SHLD1: variants seen among roughly 807,000 people sequenced by gnomAD.
SHLD1 encodes the protein RINN1-REV7-interacting novel NHEJ regulator 3.
Under a neutral mutation model 5.5 loss-of-function variants are expected in SHLD1, and 3 were observed. That is an observed-to-expected ratio of 0.54 (90% CI 0.25 to 1.40). The LOEUF is 1.40. Ranked by LOEUF, SHLD1 falls within the 40% of genes most tolerant of loss-of-function variation. The probability of loss-of-function intolerance (pLI) is 0.15; values close to 1 mark genes in which losing one functional copy is unlikely to be tolerated. For synonymous variants in SHLD1, 92 were observed against 94.3 expected (o/e 0.98, Z 0.14); for missense variants, 210 against 244.4 (o/e 0.86, Z 0.94).
chr20:5,827,361 G>A (rs1434079927), intron 2 of SHLD1, among the ~76,000 whole-genome samples: 1 of 152,198 alleles, frequency 6.6e-6, no homozygotes, highest in Non-Finnish European at 1.5e-5. Context: ...GGAGGGCAAG[G>A]GCAGCCATCA....
At position 5,802,587 on chromosome 20, in the gene SHLD1, T is replaced by C. The variant is rs116507137; in HGVS notation, c.178+29544T>C. Among the ~76,000 whole-genome samples the C allele has an allele frequency of 4.4e-3, 671 of 152,290 alleles. 5 individuals carry two copies. The highest frequency in any genetic ancestry group is 0.015 in the African/African-American group (639 of 41,570). On this transcript the variant is annotated intron_variant, in intron 2 of 2. Coordinates refer to ENST00000303142, the MANE Select transcript of SHLD1 (RefSeq NM_152504.4). ...CCATCGATGTCATCACCACCTCTCC[T>C]CCAAGCTATATCCATGTCTTTTCTT... is the stretch of plus-strand genomic sequence containing the variant.
At chr20:5,753,882 C>T (rs919530554) in intron 1 of SHLD1, among the ~76,000 whole-genome samples, 1 of 152,190 alleles carries the variant, frequency 6.6e-6, no homozygotes, top group Non-Finnish European at 1.5e-5. Context: ...CGGAACCCCC[C>T]TCCCTCTGCA....
chr20:5,822,526 G>T (rs1257277125), intron 2 of SHLD1, among the ~76,000 whole-genome samples: 1 of 151,808 alleles, frequency 6.6e-6, no homozygotes, highest in Non-Finnish European at 1.5e-5. Flanking sequence ...TTGCTTTGTT[G>T]TGTGCATGTG....
intron 2 of SHLD1, among the ~76,000 whole-genome samples, chr20:5,839,486 A>AGATAGATAGAT (rs2087829581): frequency 6.7e-6 from 1 of 149,892 alleles, no homozygotes; most frequent in African/African-American, 2.5e-5. Flanking sequence ...ATTAGATAGA[A>AGATAGATAGAT]AGATAGATAG....
intron 1 of SHLD1, among the ~76,000 whole-genome samples, chr20:5,753,423 A>G (rs1376083019): frequency 6.6e-6 from 1 of 152,204 alleles, no homozygotes; most frequent in Non-Finnish European, 1.5e-5. Context: ...GAAGCTAAAA[A>G]GAAATTAATT....
At chr20:5,837,008 C>T (rs1451623387) in intron 2 of SHLD1, among the ~76,000 whole-genome samples, 3 of 152,100 alleles carry the variant, frequency 2.0e-5, no homozygotes, top group African/African-American at 7.2e-5. Flanking sequence ...TCCTAGAAAT[C>T]ATACAAGAAA....
intron 2 of SHLD1, among the ~76,000 whole-genome samples, chr20:5,827,601 T>C (rs1462116730): frequency 1.3e-5 from 2 of 152,132 alleles, no homozygotes; most frequent in Non-Finnish European, 2.9e-5. Context: ...ATTCTGCCAG[T>C]CTGCAGCCTG....
Position 5,863,569 on chromosome 20 carries a change from C to A in SHLD1, c.*106C>A. The A allele has an allele frequency of 8.7e-7, 1 of 1,145,798 alleles. No individual in the cohort carries two copies. Among genetic ancestry groups the A allele is most frequent in the Non-Finnish European group, 1.2e-6 (1 of 807,496 alleles). The allele number at this position is 1,145,798 out of a possible 1,614,324, so 71.0% of individuals were successfully genotyped here. A position where few individuals can be genotyped will look rare whatever the true frequency, so the allele number is the denominator to read the frequency against. On this transcript the variant is annotated 3_prime_UTR_variant, in exon 3 of 3. Transcript: ENST00000303142. The stretch of plus-strand genomic sequence containing the variant: ...GGGTCTCTGGCCAGCTCTGTGTGCC[C>A]AATCCCAATTAAGTGCTTTGAGGTT...
At chr20:5,826,784 T>A (rs761914263) in intron 2 of SHLD1, among the ~76,000 whole-genome samples, 15 of 152,202 alleles carry the variant, frequency 9.9e-5, no homozygotes, top group Non-Finnish European at 1.9e-4. Flanking sequence ...ATACGATGCC[T>A]CATACAGAAT....
Position 5,828,831 on chromosome 20 carries a change from T to C in SHLD1, c.179-34193T>C, listed in dbSNP as rs376867306. Among the ~76,000 whole-genome samples, 18 of 152,364 alleles carry C rather than the reference T, an allele frequency of 1.2e-4. No individual in the cohort carries two copies. The South Asian group carries it at 3.5e-3, about 30-fold the overall frequency. ...TGGCATGATTTTATGTCATTTTATA[T>C]CATTTCACTAATGTGATAGTCTAGC... On this transcript the variant is annotated intron_variant, in intron 2 of 2. Transcript: ENST00000303142.
intron 2 of SHLD1, among the ~76,000 whole-genome samples, chr20:5,790,505 T>G (rs1354494888): frequency 1.4e-5 from 2 of 142,686 alleles, no homozygotes; most frequent in South Asian, 2.2e-4. Context: ...GAGGCTGGAG[T>G]GCAATGGTGC....
intron 2 of SHLD1, among the ~76,000 whole-genome samples, chr20:5,809,822 C>G (rs903065673): frequency 2.0e-5 from 3 of 152,034 alleles, no homozygotes; most frequent in Non-Finnish European, 4.4e-5. Flanking sequence ...GAATAGTTCC[C>G]CCACCCAACA....
chr20:5,761,799 G>A (rs112142602), intron 1 of SHLD1, among the ~76,000 whole-genome samples: 48,254 of 150,954 alleles, frequency 0.32, 8,388 homozygotes, highest in Non-Finnish European at 0.39. Flanking sequence ...GTAGAGATGG[G>A]GTTTTACCAT....
rs553028198 is a variant in SHLD1 at position 5,775,213 on chromosome 20, T to A, written c.178+2170T>A. Among the ~76,000 whole-genome samples the A allele has an allele frequency of 2.4e-3, 359 of 152,080 alleles. 1 individual carries two copies. Among genetic ancestry groups the A allele is most frequent in the Non-Finnish European group, 4.2e-3 (286 of 67,968 alleles). ...ATCACCATACATGGCTTTTTTTTTT[T>A]TAATTTTTTTGTAGAGACAGGGTCT... is the stretch of plus-strand genomic sequence containing the variant. On this transcript the variant is annotated intron_variant, in intron 2 of 2. Transcript: ENST00000303142.
At chr20:5,856,320 G>A (rs1367435580) in intron 2 of SHLD1, among the ~76,000 whole-genome samples, 1 of 152,242 alleles carries the variant, frequency 6.6e-6, no homozygotes, top group African/African-American at 2.4e-5. Flanking sequence ...TATGAAGGAG[G>A]CAGTGAAACA....
intron 2 of SHLD1, among the ~76,000 whole-genome samples, chr20:5,849,547 C>G (rs1276846607): frequency 6.6e-6 from 1 of 152,174 alleles, no homozygotes; most frequent in Non-Finnish European, 1.5e-5. Context: ...ACTGTTAACC[C>G]AGGTATATCA....
intron 1 of SHLD1, among the ~76,000 whole-genome samples, chr20:5,762,928 G>A (rs1443073336): frequency 2.0e-5 from 3 of 146,850 alleles, no homozygotes; most frequent in African/African-American, 5.1e-5. Flanking sequence ...AGCCGAGATC[G>A]CGCCGTTGCA....
At chr20:5,839,015 C>T (rs2087823242) in intron 2 of SHLD1, among the ~76,000 whole-genome samples, 1 of 152,128 alleles carries the variant, frequency 6.6e-6, no homozygotes, top group Admixed American at 6.5e-5. Context: ...TCCTCCTACA[C>T]CATGGAGATA....
chr20:5,789,421 AC>A (rs1042175943), intron 2 of SHLD1, among the ~76,000 whole-genome samples: 47 of 151,712 alleles, frequency 3.1e-4, no homozygotes, highest in African/African-American at 1.1e-3. Flanking sequence ...TACTAAAGAT[AC>A]AAAAATTAGC....
Sources: allele counts gnomAD v4.1 joint callset (sites outside exome capture counted in the v4.1 genomes callset), GRCh38; gene constraint gnomAD v4.1.1; transcripts MANE v1.5; gene names NCBI Gene and HGNC (gene_info 2026-07-23, HGNC 2026-07-21).